TMEM266: variants seen among roughly 807,000 people sequenced by gnomAD.
The protein encoded by TMEM266 is Hv1 related protein 1.
TMEM266 carries 33 observed loss-of-function variants against 50.5 expected under a neutral mutation model. The ratio of observed to expected loss-of-function variants is 0.65; its 90% CI spans 0.50 to 0.87. TMEM266 has a LOEUF of 0.87. Ranked by LOEUF, TMEM266 falls within the 40% of genes least tolerant of loss-of-function variation. TMEM266 has a pLI of 0.00. For missense variants in TMEM266, 655 were observed against 695.1 expected, an observed-to-expected ratio of 0.94 and a Z score of 0.65; for synonymous variants, 310 against 292.3, an observed-to-expected ratio of 1.06 and a Z score of -0.62.
intron 3 of TMEM266, among the ~76,000 whole-genome samples, chr15:76,154,556 C>T (rs1320103294): frequency 6.6e-6 from 1 of 152,056 alleles, no homozygotes; most frequent in African/African-American, 2.4e-5. Context: ...CTGATTTCCT[C>T]ATCTCTTGCC....
At chr15:76,159,079 G>A (rs560977231) in intron 4 of TMEM266, among the ~76,000 whole-genome samples, 1 of 152,298 alleles carries the variant, frequency 6.6e-6, no homozygotes, top group African/African-American at 2.4e-5. Context: ...GAAGGAGGTA[G>A]AGCAGGCATG....
At chr15:76,073,790 G>T (rs1374707244) in intron 1 of TMEM266, among the ~76,000 whole-genome samples, 1 of 152,174 alleles carries the variant, frequency 6.6e-6, no homozygotes, top group Non-Finnish European at 1.5e-5. Flanking sequence ...TCAGAATTTT[G>T]CAAGAGCTTA....
Position 76,204,413 on chromosome 15 carries a change from C to CCCACCTGAGG in TMEM266, c.*105_*106insAGGCCACCTG. 8.3e-7 allele frequency: 1 copy of CCCACCTGAGG among 1,204,188 alleles called. No individual in the cohort carries two copies. The highest frequency in any genetic ancestry group is 1.2e-6 in the Non-Finnish European group (1 of 865,214). 74.6% of individuals were successfully genotyped at this position (1,204,188 alleles called of 1,614,324 possible). The stretch of plus-strand genomic sequence containing the variant: ...AAGGGCCACACGCGGGGCCCAGGAG[C>CCCACCTGAGG]CCACCTGGCCTCCCTCAGGGTGCTG... On this transcript the variant is annotated 3_prime_UTR_variant, in exon 11 of 11. Transcript: ENST00000388942.
rs71140194 is a variant in TMEM266, at chr15:76,075,837, C to CTTTTTTTTTTTTTT, written c.-97+15845_-97+15858dup. On this transcript the variant is annotated intron_variant, in intron 1 of 10. Coordinates refer to ENST00000388942, the MANE Select transcript of TMEM266 (RefSeq NM_152335.3). The stretch of plus-strand genomic sequence containing the variant: ...CTGGAGGAGAATGAAGAGAAGGCAG[C>CTTTTTTTTTTTTTT]TTTTTTTTTTTTTTTTTTTTTTTTT... Among the ~76,000 whole-genome samples the CTTTTTTTTTTTTTT allele has an allele frequency of 1.7e-4, 4 of 23,574 alleles. 2 individuals are homozygous for CTTTTTTTTTTTTTT. Among genetic ancestry groups the CTTTTTTTTTTTTTT allele is most frequent in the Admixed American group, 1.5e-3 (2 of 1,324 alleles). The allele number at this position is 23,574 out of a possible 152,430, so 15.5% of individuals were successfully genotyped here.
At chr15:76,187,272 C>A (rs1406017345) in intron 8 of TMEM266, among the ~76,000 whole-genome samples, 2 of 152,384 alleles carry the variant, frequency 1.3e-5, no homozygotes, top group South Asian at 2.1e-4. Flanking sequence ...TGACCTCTGG[C>A]TGTCTTGGCC....
chr15:76,121,447 C>T (rs2037344647), intron 1 of TMEM266, among the ~76,000 whole-genome samples: 1 of 151,886 alleles, frequency 6.6e-6, no homozygotes, highest in African/African-American at 2.4e-5. Context: ...GATGGAGTCT[C>T]ACTCTGTCAC....
intron 8 of TMEM266, among the ~76,000 whole-genome samples, chr15:76,190,042 TTTTACG>T (rs1243453021): frequency 6.6e-6 from 1 of 152,208 alleles, no homozygotes; most frequent in African/African-American, 2.4e-5. Flanking sequence ...GTTGTATGTG[TTTTACG>T]TTCATAAAAG....
chr15:76,167,975 TCA>T (rs1438681659), intron 5 of TMEM266, among the ~76,000 whole-genome samples: 1 of 152,206 alleles, frequency 6.6e-6, no homozygotes, highest in Non-Finnish European at 1.5e-5. Flanking sequence ...GGTCTGGCAT[TCA>T]CAGACATATA....
chr15:76,204,525 CAG>C lies in TMEM266; in HGVS notation c.*211_*212del, dbSNP rs2038806434. 5 of 473,980 alleles carry C rather than the reference CAG, an allele frequency of 1.1e-5. No individual in the cohort carries two copies. Among genetic ancestry groups the C allele is most frequent in the Admixed American group, 7.2e-5 (2 of 27,722 alleles). The allele number at this position is 473,980 out of a possible 1,614,324, so 29.4% of individuals were successfully genotyped here. A position where few individuals can be genotyped will look rare whatever the true frequency, so the allele number is the denominator to read the frequency against. The stretch of plus-strand genomic sequence containing the variant: ...AGCTGGCGCCTCTTCTCGCCCTGCT[CAG>C]GGGAGGGTGGTGCTCGTGGCTGGGT... On this transcript the variant is annotated 3_prime_UTR_variant, in exon 11 of 11. Transcript: ENST00000388942.
At chr15:76,068,698 A>G (rs2036482525) in intron 1 of TMEM266, among the ~76,000 whole-genome samples, 2 of 152,220 alleles carry the variant, frequency 1.3e-5, no homozygotes, top group Non-Finnish European at 2.9e-5. Flanking sequence ...CCAGGAAGAG[A>G]GCCCTTACAG....
At chr15:76,163,519 G>A (rs974473744) in intron 5 of TMEM266, among the ~76,000 whole-genome samples, 1 of 152,222 alleles carries the variant, frequency 6.6e-6, no homozygotes, top group Non-Finnish European at 1.5e-5. Context: ...TGGCCCTGCA[G>A]CACCAAGAAT....
rs2037992848 is a variant in TMEM266 at position 76,160,039 on chromosome 15, T to C, written c.383-56T>C. ...CTGGACGGATGCTGCGAAGCCCCCA[T>C]AGCAACGCACCTAATTCCTCACTCC... is the stretch of plus-strand genomic sequence containing the variant. On this transcript the variant is annotated intron_variant, in intron 4 of 10. Coordinates refer to ENST00000388942, the MANE Select transcript of TMEM266 (RefSeq NM_152335.3). The surrounding 1 kb of genome is among the most constrained non-coding windows in gnomAD (Gnocchi z 5.7). 1 of 1,532,514 alleles carries C rather than the reference T, an allele frequency of 6.5e-7. No homozygotes were observed. Among genetic ancestry groups the C allele is most frequent in the Admixed American group, 1.7e-5 (1 of 59,752 alleles). The allele number at this position is 1,532,514 out of a possible 1,614,324, so 94.9% of individuals were successfully genotyped here.
At chr15:76,085,549 C>A (rs560896601) in intron 1 of TMEM266, among the ~76,000 whole-genome samples, 1 of 152,114 alleles carries the variant, frequency 6.6e-6, no homozygotes, top group South Asian at 2.1e-4. Flanking sequence ...CATAAGCCAC[C>A]GTACCTGGCC....
rs1466288611 is a variant in TMEM266 at position 76,139,151 on chromosome 15, G to A, written c.227+1256G>A. 6.6e-6 allele frequency among the ~76,000 whole-genome samples: 1 copy of A among 152,180 alleles called. No homozygotes were observed. Among genetic ancestry groups the A allele is most frequent in the Admixed American group, 6.5e-5 (1 of 15,280 alleles). On this transcript the variant is annotated intron_variant, in intron 3 of 10. Coordinates refer to ENST00000388942, the MANE Select transcript of TMEM266 (RefSeq NM_152335.3). The surrounding 1 kb of genome is among the most constrained non-coding windows in gnomAD (Gnocchi z 4.1). Reference sequence around the variant, plus strand: ...TGTCAGGTATTTTAGAAGCAAACGAGAAGCCTTAGCTCAAGCTAAATTTGC... The same window carrying A: ...TGTCAGGTATTTTAGAAGCAAACGAAAAGCCTTAGCTCAAGCTAAATTTGC...
At position 76,151,470 on chromosome 15, in the gene TMEM266, C is replaced by T. The variant is rs556767672; in HGVS notation, c.228-5134C>T. ...CAGCCCCCAACCCACCCTCCAGGGC[C>T]CTGTTCTGGAGCCCTGGGGTCTGTG... On this transcript the variant is annotated intron_variant, in intron 3 of 10. Coordinates refer to ENST00000388942, the MANE Select transcript of TMEM266 (RefSeq NM_152335.3). Among the ~76,000 whole-genome samples, 4 of 152,258 alleles carry T rather than the reference C, an allele frequency of 2.6e-5. 1 individual carries two copies. The highest frequency in any genetic ancestry group is 4.8e-5 in the African/African-American group (2 of 41,546).
chr15:76,079,456 C>T (rs2036652201), intron 1 of TMEM266, among the ~76,000 whole-genome samples: 2 of 143,918 alleles, frequency 1.4e-5, no homozygotes, highest in South Asian at 4.7e-4. Flanking sequence ...TCTAGTATGA[C>T]CTCAACTAGT....
chr15:76,165,749 A>G (rs928337384), intron 5 of TMEM266, among the ~76,000 whole-genome samples: 2 of 152,230 alleles, frequency 1.3e-5, no homozygotes, highest in Admixed American at 6.5e-5. Flanking sequence ...ATCTGCTTTC[A>G]GTCCAGATCT....
At chr15:76,163,804 C>T (rs527504017) in intron 5 of TMEM266, among the ~76,000 whole-genome samples, 33 of 152,316 alleles carry the variant, frequency 2.2e-4, no homozygotes, top group African/African-American at 5.1e-4. Flanking sequence ...AAAGCGGAGC[C>T]GCGGCTGGCC....
At chr15:76,203,655 CA>C in intron 10 of TMEM266, 85 bp from the exon 11 acceptor site, 1 of 1,307,886 alleles carries the variant, frequency 7.6e-7, no homozygotes. Context: ...ACTCATTGCC[CA>C]CCGCCCGGCT....
Sources: allele counts gnomAD v4.1 joint callset (sites outside exome capture counted in the v4.1 genomes callset), GRCh38; gene constraint gnomAD v4.1.1; non-coding constraint Gnocchi (gnomAD v3.1); transcripts MANE v1.5; gene names NCBI Gene and HGNC (gene_info 2026-07-23, HGNC 2026-07-21).